The following ELAVL2 variants were observed in gnomAD, a reference collection of about 807,000 sequenced individuals.
ELAVL2 encodes the protein ELAV like RNA binding protein 2, also known as ELAV-like protein 2.
ELAVL2 carries 4 observed loss-of-function variants against 34.6 expected under a neutral mutation model. The ratio of observed to expected loss-of-function variants is 0.12; its 90% CI spans 0.06 to 0.26. The LOEUF (loss-of-function observed/expected upper bound fraction) is 0.26, where lower values mean the gene tolerates loss of function less well. Ranked by LOEUF, ELAVL2 falls within the 10% of genes least tolerant of loss-of-function variation. The pLI is 1.00. For synonymous variants in ELAVL2, 193 were observed against 154.8 expected, an observed-to-expected ratio of 1.25 and a Z score of -1.83; for missense variants, 432 against 442.8, an observed-to-expected ratio of 0.98 and a Z score of 0.22.
intron 1 of ELAVL2, among the ~76,000 whole-genome samples, chr9:23,813,455 A>C (rs2063296402): frequency 6.9e-6 from 1 of 145,926 alleles, no homozygotes; most frequent in South Asian, 2.2e-4. Context: ...ATCTGTTGTC[A>C]TTTATAAGCT....
At chr9:23,826,423 CA>C (rs374786660), upstream of ELAVL2, 9 of 152,512 alleles carry the variant, frequency 5.9e-5, no homozygotes, top group African/African-American at 2.2e-4. Flanking sequence ...GATTGGTCCA[CA>C]CGCTTCCATT....
intron 1 of ELAVL2, among the ~76,000 whole-genome samples, chr9:23,782,059 G>A (rs946845995): frequency 2.6e-5 from 4 of 152,044 alleles, no homozygotes; most frequent in Non-Finnish European, 2.9e-5. Flanking sequence ...AGGTTCAAAG[G>A]ATCCTCCCAC....
At chr9:23,693,628 C>T (rs888146075) in intron 5 of ELAVL2, 142 bp from the exon 6 acceptor site, 30 of 986,086 alleles carry the variant, frequency 3.0e-5, no homozygotes, top group Non-Finnish European at 4.2e-5. Flanking sequence ...GGTCTTTTTA[C>T]GTTTTTAAGC....
intron 1 of ELAVL2, chr9:23,765,037 C>T: frequency 6.2e-7 from 1 of 1,609,790 alleles, no homozygotes; most frequent in Non-Finnish European, 8.5e-7. Context: ...TGCCCACGAA[C>T]CACTTCTAAG....
Position 23,690,896 on chromosome 9 carries a change from T to C in ELAVL2, c.*1661A>G, listed in dbSNP as rs551302617. On this transcript the variant is annotated 3_prime_UTR_variant, in exon 7 of 7. Coordinates refer to ENST00000397312, the MANE Select transcript of ELAVL2 (RefSeq NM_004432.5). ...TTCTTTCATACATGGTAAAGACTTA[T>C]TTTATTATTTCCCCAAATAGTGGTT... 1.0e-4 allele frequency: 16 copies of C among 152,690 alleles called. No homozygotes were observed. Among genetic ancestry groups the C allele is most frequent in the African/African-American group, 3.8e-4 (16 of 41,568 alleles). The allele number at this position is 152,690 out of a possible 1,614,324, so 9.5% of individuals were successfully genotyped here. A position where few individuals can be genotyped will look rare whatever the true frequency, so the allele number is the denominator to read the frequency against.
intron 5 of ELAVL2, among the ~76,000 whole-genome samples, chr9:23,700,186 G>T (rs1194807986): frequency 6.6e-6 from 1 of 152,104 alleles, no homozygotes; most frequent in Non-Finnish European, 1.5e-5. Flanking sequence ...TCCCATGAAT[G>T]AAATAAATAA....
chr9:23,730,351 T>G (rs1453518892), intron 3 of ELAVL2, among the ~76,000 whole-genome samples: 1 of 152,130 alleles, frequency 6.6e-6, no homozygotes, highest in African/African-American at 2.4e-5. Flanking sequence ...AAAAATAACC[T>G]GTGTCATGTA....
intron 3 of ELAVL2, among the ~76,000 whole-genome samples, chr9:23,724,979 A>T (rs568521438): frequency 6.6e-6 from 1 of 152,238 alleles, no homozygotes; most frequent in African/African-American, 2.4e-5. Context: ...AATTTTCCAA[A>T]TCTGCTCAAG....
At chr9:23,819,892 T>G (rs1266393571) in intron 1 of ELAVL2, among the ~76,000 whole-genome samples, 1 of 152,192 alleles carries the variant, frequency 6.6e-6, no homozygotes, top group Non-Finnish European at 1.5e-5. Context: ...GCAAGCGAAC[T>G]TCCCGTAAGT....
chr9:23,849,842 TCAAAC>T, the ELAVL2 span: 1 of 152,104 alleles, frequency 6.6e-6, no homozygotes, highest in Non-Finnish European at 1.5e-5. Context: ...GGATTCCCCT[TCAAAC>T]CACCCACAGA....
In ELAVL2 at chr9:23,692,999, C is replaced by G; in HGVS notation, c.753-115G>C. On this transcript the variant is annotated intron_variant, in intron 6 of 6. Transcript: ENST00000397312. ...CAAGAATTTTAGTAACTCTCCTCCC[C>G]CAACAAATATATAAACTATTTCATG... The G allele has an allele frequency of 4.3e-6, 4 of 921,422 alleles. No individual in the cohort carries two copies. The South Asian group carries it at 7.0e-5, about 16-fold the overall frequency. 57.1% of individuals were successfully genotyped at this position (921,422 alleles called of 1,614,324 possible).
At chr9:23,773,201 T>C (rs952613811) in intron 1 of ELAVL2, among the ~76,000 whole-genome samples, 2 of 152,208 alleles carry the variant, frequency 1.3e-5, no homozygotes, top group African/African-American at 4.8e-5. Context: ...CATAAGAATG[T>C]ATATAAGAGT....
Position 23,780,532 on chromosome 9 carries a change from C to T in ELAVL2, c.-15-18283G>A, listed in dbSNP as rs912839528. On this transcript the variant is annotated intron_variant, in intron 1 of 6. Coordinates refer to ENST00000397312, the MANE Select transcript of ELAVL2 (RefSeq NM_004432.5). ...TTTGTGGTCAATTTCCTGTGACCTT[C>T]GTAAAACTTAAACACACCTCTTAGC... Among the ~76,000 whole-genome samples the T allele has an allele frequency of 7.9e-5, 12 of 152,226 alleles. No homozygotes were observed. The South Asian group carries it at 2.1e-3, about 26-fold the overall frequency.
chr9:23,731,786 A>G (rs930264496), intron 2 of ELAVL2, among the ~76,000 whole-genome samples: 4 of 152,210 alleles, frequency 2.6e-5, no homozygotes, highest in African/African-American at 9.6e-5. Flanking sequence ...CAATGAGAAC[A>G]TATAGGAAAA....
At chr9:23,746,119 A>G (rs2135394801) in intron 2 of ELAVL2, among the ~76,000 whole-genome samples, 2 of 152,300 alleles carry the variant, frequency 1.3e-5, no homozygotes, top group South Asian at 4.1e-4. Context: ...AGTGACACAA[A>G]TATGAGTAAA....
the ELAVL2 span, among the ~76,000 whole-genome samples, chr9:23,834,269 A>G: frequency 8.1e-4 from 123 of 152,108 alleles, no homozygotes; most frequent in African/African-American, 2.8e-3. Flanking sequence ...TTTTAAAATA[A>G]TATAACTTGT....
At chr9:23,760,018 T>C (rs1305186554) in intron 2 of ELAVL2, among the ~76,000 whole-genome samples, 1 of 151,730 alleles carries the variant, frequency 6.6e-6, no homozygotes, top group African/African-American at 2.4e-5. Context: ...TATCTAGGTA[T>C]GTATTAAAGA....
intron 1 of ELAVL2, among the ~76,000 whole-genome samples, chr9:23,776,018 G>C (rs2058132302): frequency 6.6e-6 from 1 of 152,140 alleles, no homozygotes; most frequent in Non-Finnish European, 1.5e-5. Context: ...CATGAATTGT[G>C]ATTCAAGGTG....
chr9:23,801,191 T>C (rs953308491), intron 1 of ELAVL2, among the ~76,000 whole-genome samples: 6 of 152,142 alleles, frequency 3.9e-5, no homozygotes, highest in Non-Finnish European at 8.8e-5. Context: ...AAGTATGAAA[T>C]AAATATTAAG....
Sources: allele counts gnomAD v4.1 joint callset (sites outside exome capture counted in the v4.1 genomes callset), GRCh38; gene constraint gnomAD v4.1.1; transcripts MANE v1.5; gene names NCBI Gene and HGNC (gene_info 2026-07-23, HGNC 2026-07-21).